The following RNF144A variants were observed in gnomAD, a reference collection of about 807,000 sequenced individuals.
RNF144A encodes the protein E3 ubiquitin-protein ligase RNF144A.
Under a neutral mutation model 38.7 loss-of-function variants are expected in RNF144A, and 11 were observed. The observed-to-expected ratio is 0.28, with a 90% confidence interval of 0.18 to 0.47. The LOEUF (loss-of-function observed/expected upper bound fraction) is 0.47, where lower values mean the gene tolerates loss of function less well. Ranked by LOEUF, RNF144A falls within the 20% of genes least tolerant of loss-of-function variation. The pLI is 0.99. For synonymous variants in RNF144A, 149 were observed against 143.9 expected, an observed-to-expected ratio of 1.04 and a Z score of -0.25; for missense variants, 316 against 377.2, an observed-to-expected ratio of 0.84 and a Z score of 1.34.
chr2:6,950,830 T>C (rs1382338396), intron 2 of RNF144A, among the ~76,000 whole-genome samples: 1 of 152,278 alleles, frequency 6.6e-6, no homozygotes, highest in Non-Finnish European at 1.5e-5. Flanking sequence ...GTAAAATGAC[T>C]GCTCGTATTT....
At chr2:6,933,213 A>T (rs1219144888) in intron 1 of RNF144A, 1 of 152,200 alleles carries the variant, frequency 6.6e-6, no homozygotes, top group Non-Finnish European at 1.5e-5. Context: ...TTACGTACGT[A>T]TGTGTAAGGA....
At chr2:6,942,922 C>T (rs1020405537) in intron 2 of RNF144A, among the ~76,000 whole-genome samples, 8 of 152,058 alleles carry the variant, frequency 5.3e-5, no homozygotes, top group African/African-American at 1.2e-4. Context: ...AGGCGGAGGT[C>T]GCAGTGAGCT....
In RNF144A at chr2:7,042,058, C is replaced by A; in HGVS notation, c.*2298C>A. The A allele has an allele frequency of 1.0e-6, 1 of 985,376 alleles. No homozygotes were observed. The highest frequency in any genetic ancestry group is 1.2e-6 in the Non-Finnish European group (1 of 829,900). The allele number at this position is 985,376 out of a possible 1,614,324, so 61.0% of individuals were successfully genotyped here. A position where few individuals can be genotyped will look rare whatever the true frequency, so the allele number is the denominator to read the frequency against. ...GGGCAGTCAAATTGGCACCTACTGG[C>A]TCTGACTTTTTGTATGAAGCATGCC... On this transcript the variant is annotated 3_prime_UTR_variant, in exon 9 of 9. Transcript: ENST00000320892.
intron 6 of RNF144A, among the ~76,000 whole-genome samples, chr2:7,054,565 G>A (rs1460588917): frequency 1.2e-4 from 19 of 152,178 alleles, no homozygotes; most frequent in Admixed American, 1.2e-3. Context: ...CTAAAGCTTT[G>A]TGCCACGGTC....
intron 2 of RNF144A, among the ~76,000 whole-genome samples, chr2:6,957,580 C>T (rs982337391): frequency 2.6e-5 from 4 of 152,024 alleles, no homozygotes; most frequent in African/African-American, 9.7e-5. Context: ...GAATGGGTAC[C>T]CCGCATGGTT....
downstream of RNF144A, among the ~76,000 whole-genome samples, chr2:7,048,549 G>A (rs1211872030): frequency 6.6e-6 from 1 of 152,174 alleles, no homozygotes; most frequent in African/African-American, 2.4e-5. Flanking sequence ...AAAGCCACGT[G>A]AAGGTCAAGG....
chr2:7,030,638 A>G (rs1177509765), intron 8 of RNF144A, among the ~76,000 whole-genome samples: 2 of 152,178 alleles, frequency 1.3e-5, no homozygotes, highest in Admixed American at 1.3e-4. Context: ...AAGGAGTGGA[A>G]AAATTCCGAG....
intron 2 of RNF144A, among the ~76,000 whole-genome samples, chr2:6,948,369 A>G (rs915637323): frequency 6.6e-6 from 1 of 152,242 alleles, no homozygotes; most frequent in Non-Finnish European, 1.5e-5. Flanking sequence ...GGACACATGA[A>G]ATACCTCATG....
chr2:7,020,753 A>G, intron 6 of RNF144A, 73 bp downstream of exon 6: 2 of 1,413,438 alleles, frequency 1.4e-6, no homozygotes, highest in Admixed American at 1.7e-5. Context: ...TTTCTTCCTA[A>G]AAGTGCTGTT....
At chr2:6,996,668 C>T (rs888482134) in intron 2 of RNF144A, 25 of 435,662 alleles carry the variant, frequency 5.7e-5, no homozygotes, top group African/African-American at 3.5e-4. Flanking sequence ...GCAAGAGAAT[C>T]GCTTGAACCC....
At chr2:7,029,414 C>A (rs1672131934) in intron 7 of RNF144A, among the ~76,000 whole-genome samples, 1 of 152,178 alleles carries the variant, frequency 6.6e-6, no homozygotes, top group Admixed American at 6.5e-5. Context: ...AGGGTCCCAG[C>A]TCCAGGAAAT....
At chr2:6,949,335 T>C (rs901812144) in intron 2 of RNF144A, among the ~76,000 whole-genome samples, 1 of 151,834 alleles carries the variant, frequency 6.6e-6, no homozygotes, top group Admixed American at 6.6e-5. Flanking sequence ...TTCAGAATCT[T>C]TGAAGAAGGG....
chr2:6,964,970 A>C (rs1339837088), intron 2 of RNF144A, among the ~76,000 whole-genome samples: 1 of 152,086 alleles, frequency 6.6e-6, no homozygotes, highest in African/African-American at 2.4e-5. Context: ...AAGTATAATA[A>C]TAATAAAAAT....
intron 1 of RNF144A, among the ~76,000 whole-genome samples, chr2:6,934,432 C>A (rs532842890): frequency 1.3e-5 from 2 of 152,032 alleles, no homozygotes; most frequent in Non-Finnish European, 2.9e-5. Flanking sequence ...TTCCCAGTTT[C>A]GTTACTTACT....
At chr2:6,953,279 A>T (rs1290696449) in intron 2 of RNF144A, among the ~76,000 whole-genome samples, 2 of 152,116 alleles carry the variant, frequency 1.3e-5, no homozygotes, top group African/African-American at 4.8e-5. Context: ...AAATACAAAA[A>T]TTAGAGCGGC....
chr2:7,024,313 C>T, intron 6 of RNF144A, 56 bp from the exon 7 acceptor site: 1 of 1,505,604 alleles, frequency 6.6e-7, no homozygotes, highest in Admixed American at 1.8e-5. Context: ...AGCCAGTGCT[C>T]CTGGGTCTCC....
chr2:6,999,805 G>A (rs1022416486), intron 3 of RNF144A, among the ~76,000 whole-genome samples: 1 of 152,186 alleles, frequency 6.6e-6, no homozygotes. Context: ...ACAGAGTTTG[G>A]GCAGCTCTCC....
chr2:7,039,754 C>T lies in RNF144A; in HGVS notation c.873C>T (p.Pro291=). ...GTAAAGGTGACGACGACCCGTTACC[C>T]ACCTAGAGGAAGCGCGATGCTGGAA... ...KCSKGDDDPL[P]T The change falls in exon 9 of 9, where the codon CCC becomes CCT. Residue 291 remains proline (P), a synonymous_variant. Coordinates refer to ENST00000320892, the MANE Select transcript of RNF144A (RefSeq NM_014746.6). The T allele has an allele frequency of 1.2e-6, 2 of 1,613,318 alleles. No homozygotes were observed. The highest frequency in any genetic ancestry group is 1.7e-6 in the Non-Finnish European group (2 of 1,179,892).
chr2:7,051,916 T>A (rs1673542371), intron 6 of RNF144A, among the ~76,000 whole-genome samples: 1 of 152,142 alleles, frequency 6.6e-6, no homozygotes, highest in Non-Finnish European at 1.5e-5. Flanking sequence ...TAGTGCTGAC[T>A]TCCAAGAGTA....
Sources: allele counts gnomAD v4.1 joint callset (sites outside exome capture counted in the v4.1 genomes callset), GRCh38; gene constraint gnomAD v4.1.1; transcripts MANE v1.5; gene names NCBI Gene and HGNC (gene_info 2026-07-23, HGNC 2026-07-21).